The following SSH2 variants were observed in gnomAD, a reference collection of about 807,000 sequenced individuals.
SSH2 encodes slingshot protein phosphatase 2, also known as protein phosphatase Slingshot homolog 2.
SSH2 carries 37 observed loss-of-function variants against 135.2 expected under a neutral mutation model. The observed-to-expected ratio is 0.27, with a 90% confidence interval of 0.21 to 0.36. The LOEUF (loss-of-function observed/expected upper bound fraction) is 0.36. Ranked by LOEUF, SSH2 falls within the 10% of genes least tolerant of loss-of-function variation. SSH2 has a pLI of 1.00. For missense variants in SSH2, 1,408 were observed against 1,765.3 expected (o/e 0.80, Z 3.63); for synonymous variants, 628 against 646.2 (o/e 0.97, Z 0.43).
At chr17:29,835,134 A>G (rs2042921656) in intron 2 of SSH2, among the ~76,000 whole-genome samples, 1 of 152,230 alleles carries the variant, frequency 6.6e-6, no homozygotes, top group Non-Finnish European at 1.5e-5. Flanking sequence ...AGAAATTCCC[A>G]CTAGGCATTA....
chr17:29,823,559 G>A (rs972094533), intron 2 of SSH2, among the ~76,000 whole-genome samples: 2 of 152,046 alleles, frequency 1.3e-5, no homozygotes, highest in Non-Finnish European at 2.9e-5. Flanking sequence ...CCATGCGGAT[G>A]CCCTCCTAAC....
intron 6 of SSH2, among the ~76,000 whole-genome samples, chr17:29,680,550 T>C (rs1254637722): frequency 2.9e-4 from 1 of 3,468 alleles, no homozygotes; most frequent in Non-Finnish European, 8.8e-4. Context: ...AGACTCCCTC[T>C]CAAAAAAAAA....
In SSH2 at chr17:29,767,313, C is replaced by A. The variant is rs2041469013; in HGVS notation, c.188+26581G>T. Among the ~76,000 whole-genome samples, 3 of 151,864 alleles carry A rather than the reference C, an allele frequency of 2.0e-5. No homozygotes were observed. The South Asian group carries it at 6.2e-4, about 31-fold the overall frequency. On this transcript the variant is annotated intron_variant, in intron 3 of 15. Transcript: ENST00000540801. ...TTTACAGATCACTTTTCACATCAAA[C>A]ACACTTTACAAAACATTTAACCATT...
At chr17:29,804,843 C>CTTTTTT (rs531310094) in intron 2 of SSH2, among the ~76,000 whole-genome samples, 4 of 98,992 alleles carry the variant, frequency 4.0e-5, no homozygotes, top group Non-Finnish European at 5.9e-5. Flanking sequence ...CCACATCTGG[C>CTTTTTT]TTTTTTTTTT....
At chr17:29,800,089 A>C (rs1443857513) in intron 2 of SSH2, among the ~76,000 whole-genome samples, 4 of 152,200 alleles carry the variant, frequency 2.6e-5, no homozygotes, top group Admixed American at 6.5e-5. Flanking sequence ...TGGCTCCCCC[A>C]AAAAGCAAAT....
intron 3 of SSH2, among the ~76,000 whole-genome samples, chr17:29,713,450 T>C (rs1313072433): frequency 2.0e-5 from 3 of 152,182 alleles, no homozygotes; most frequent in Admixed American, 2.0e-4. Context: ...TCTGTTTCTC[T>C]TTTTCTTTCT....
intron 14 of SSH2, chr17:29,643,413 CT>C (rs34985622): frequency 0.5 from 90,387 of 182,302 alleles, 19,491 homozygotes; most frequent in East Asian, 0.65. Flanking sequence ...TGTGAATACG[CT>C]TTTTTTTTTT....
chr17:29,767,369 C>A (rs2041470718), intron 3 of SSH2, among the ~76,000 whole-genome samples: 1 of 96,714 alleles, frequency 1.0e-5, no homozygotes, highest in Non-Finnish European at 2.0e-5. Flanking sequence ...TAAACGTTTT[C>A]TTTTTTCTTT....
At chr17:29,753,433 T>C (rs2041012993) in intron 3 of SSH2, among the ~76,000 whole-genome samples, 1 of 151,800 alleles carries the variant, frequency 6.6e-6, no homozygotes, top group African/African-American at 2.4e-5. Context: ...GCCCGGCTTA[T>C]CTGCTATTAA....
In SSH2 at chr17:29,631,261, A is replaced by G; in HGVS notation, c.3933T>C (p.Pro1311=). 1 of 1,614,024 alleles carries G rather than the reference A, an allele frequency of 6.2e-7. No individual in the cohort carries two copies. The highest frequency in any genetic ancestry group is 1.6e-4 in the Middle Eastern group (1 of 6,062). ...GGAAAGGCTGAAGCAGTTTGAGATGAGGGGATTCACAGGAGGCAGGCTCCC... is the reference window on the plus strand; with the variant it reads ...GGAAAGGCTGAAGCAGTTTGAGATGGGGGGATTCACAGGAGGCAGGCTCCC... ...PEREPASCES[P]HLKLLQPFLR... Residue 1311 remains proline (P), a synonymous_variant, in exon 16 of 16, where the codon CCT becomes CCC. Transcript: ENST00000540801.
intron 3 of SSH2, among the ~76,000 whole-genome samples, chr17:29,770,092 GTTTTTT>G (rs563803251): frequency 6.9e-5 from 5 of 72,930 alleles, no homozygotes; most frequent in Admixed American, 1.4e-4. Context: ...GCTATATTTA[GTTTTTT>G]TTTTTTTTTT....
At chr17:29,768,564 G>C (rs1163971921) in intron 3 of SSH2, among the ~76,000 whole-genome samples, 1 of 152,110 alleles carries the variant, frequency 6.6e-6, no homozygotes, top group Non-Finnish European at 1.5e-5. Flanking sequence ...GAATCATCAT[G>C]CCTGGCTGGT....
intron 2 of SSH2, among the ~76,000 whole-genome samples, chr17:29,830,105 C>T (rs1488083067): frequency 6.6e-6 from 1 of 152,116 alleles, no homozygotes; most frequent in Non-Finnish European, 1.5e-5. Context: ...TCCCAAAGTG[C>T]TGGGATTAGA....
At chr17:29,679,139 A>G (rs572639834) in intron 6 of SSH2, among the ~76,000 whole-genome samples, 2 of 152,212 alleles carry the variant, frequency 1.3e-5, no homozygotes, top group African/African-American at 4.8e-5. Flanking sequence ...GGAAACAGTA[A>G]CCTACCCTAG....
chr17:29,861,461 C>A (rs1185698306), intron 1 of SSH2, among the ~76,000 whole-genome samples: 1 of 152,062 alleles, frequency 6.6e-6, no homozygotes, highest in Non-Finnish European at 1.5e-5. Flanking sequence ...TGATCAGCAA[C>A]CTTAATTTCT....
At chr17:29,670,007 G>A (rs762664335) in intron 9 of SSH2, among the ~76,000 whole-genome samples, 4 of 150,976 alleles carry the variant, frequency 2.6e-5, no homozygotes, top group Non-Finnish European at 5.9e-5. Context: ...TCAGCCTCCT[G>A]AGTAGCTGGG....
chr17:29,917,738 C>A (rs1195268985), intron 1 of SSH2, among the ~76,000 whole-genome samples: 1 of 151,834 alleles, frequency 6.6e-6, no homozygotes, highest in Non-Finnish European at 1.5e-5. Context: ...GCCTGTAATA[C>A]CAGCTACTCG....
intron 3 of SSH2, among the ~76,000 whole-genome samples, chr17:29,744,901 GTT>G (rs1491569446): frequency 2.8e-5 from 4 of 141,040 alleles, no homozygotes; most frequent in Admixed American, 7.2e-5. Flanking sequence ...GTGTGTGTGT[GTT>G]TAAATAAACA....
chr17:29,631,362 G>A lies in SSH2; in HGVS notation c.3832C>T (p.Pro1278Ser). 3 of 1,614,144 alleles carry A rather than the reference G, an allele frequency of 1.9e-6. No individual in the cohort carries two copies. Among genetic ancestry groups the A allele is most frequent in the South Asian group, 2.2e-5 (2 of 91,080 alleles). ...GAAGCTGAGCGCCTCATTTGGGATG[G>A]TTTGGTGAGCCCTGCCTGGAAAACC... is the stretch of plus-strand genomic sequence containing the variant. Reference protein sequence around the residue: ...RVVFQAGLTKPSQMRRSASLA... With the variant: ...RVVFQAGLTKSSQMRRSASLA... Residue 1278 changes from proline to serine, a missense_variant, in exon 16 of 16, where the codon CCA becomes TCA. Physicochemically the swap from Pro to Ser is moderately conservative, Grantham distance 74. Coordinates refer to ENST00000540801, the MANE Select transcript of SSH2 (RefSeq NM_001282129.2).
Sources: allele counts gnomAD v4.1 joint callset (sites outside exome capture counted in the v4.1 genomes callset), GRCh38; gene constraint gnomAD v4.1.1; transcripts MANE v1.5; gene names NCBI Gene and HGNC (gene_info 2026-07-23, HGNC 2026-07-21).